Variants in NUP210L observed in about 807,000 individuals in gnomAD.
The protein encoded by NUP210L is nucleoporin 210 like.
Under a neutral mutation model 208.5 loss-of-function variants are expected in NUP210L, and 74 were observed. The ratio of observed to expected loss-of-function variants is 0.35; its 90% CI spans 0.29 to 0.43. The LOEUF (loss-of-function observed/expected upper bound fraction) is 0.43. Among genes scored for constraint, NUP210L ranks in the 20% least tolerant of loss-of-function variants. NUP210L has a pLI of 1.00. For synonymous variants in NUP210L, 780 were observed against 816.9 expected (o/e 0.95, Z 0.77); for missense variants, 1,843 against 2,289.4 (o/e 0.81, Z 3.98).
At chr1:154,121,715 A>G (rs1170223172) in intron 10 of NUP210L, among the ~76,000 whole-genome samples, 1 of 151,972 alleles carries the variant, frequency 6.6e-6, no homozygotes, top group Non-Finnish European at 1.5e-5. Context: ...AAAAATACAA[A>G]AATTAGCTGG....
chr1:154,068,909 G>C (rs1255160632), intron 17 of NUP210L, among the ~76,000 whole-genome samples: 1 of 151,978 alleles, frequency 6.6e-6, no homozygotes, highest in African/African-American at 2.4e-5. Context: ...GCACCAGCAT[G>C]GCACATGTAT....
intron 16 of NUP210L, among the ~76,000 whole-genome samples, chr1:154,082,878 G>A (rs528794030): frequency 3.3e-5 from 5 of 152,056 alleles, no homozygotes; most frequent in Non-Finnish European, 7.4e-5. Context: ...TCATCATCTC[G>A]CTGGCTTCAG....
intron 7 of NUP210L, among the ~76,000 whole-genome samples, chr1:154,134,734 CAAAAAAAAA>C (rs67813355): frequency 1.5e-5 from 1 of 67,314 alleles, no homozygotes; most frequent in African/African-American, 6.4e-5. Flanking sequence ...GACTCCGTCT[CAAAAAAAAA>C]AAAAAAAAAA....
chr1:154,152,624 T>G, intron 2 of NUP210L, 112 bp downstream of exon 2: 1 of 961,800 alleles, frequency 1.0e-6, no homozygotes, highest in Non-Finnish European at 1.6e-6. Context: ...GAATCATTTA[T>G]TCTCCCTTTG....
intron 1 of NUP210L, 26 bp downstream of exon 1, chr1:154,154,816 T>C: frequency 1.9e-6 from 3 of 1,576,540 alleles, no homozygotes; most frequent in South Asian, 1.1e-5. Flanking sequence ...TGAGGGTGCA[T>C]ATCCTTGTCA....
intron 18 of NUP210L, among the ~76,000 whole-genome samples, chr1:154,061,378 A>AAATAATAAT (rs537711266): frequency 2.6e-4 from 39 of 150,140 alleles, no homozygotes; most frequent in African/African-American, 9.3e-4. Context: ...ACTTCATCTC[A>AAATAATAAT]AATAATAATA....
intron 23 of NUP210L, among the ~76,000 whole-genome samples, chr1:154,055,312 G>A (rs959091874): frequency 1.3e-5 from 2 of 151,098 alleles, no homozygotes; most frequent in Non-Finnish European, 2.9e-5. Context: ...GTGCAGTGGC[G>A]AGACCTCAGC....
In NUP210L at chr1:153,996,938, A is replaced by G. The variant is rs138815598; in HGVS notation, c.5387-1758T>C. 9.3e-3 allele frequency among the ~76,000 whole-genome samples: 1,354 copies of G among 145,836 alleles called. 10 individuals are homozygous for G. Among genetic ancestry groups the G allele is most frequent in the Non-Finnish European group, 0.013 (895 of 67,176 alleles). ...TACTGCAGCCTCCTAAGTAACTAGGACTACAGGTGCACACCATCATGTCCG... is the reference window on the plus strand; with the variant it reads ...TACTGCAGCCTCCTAAGTAACTAGGGCTACAGGTGCACACCATCATGTCCG... On this transcript the variant is annotated intron_variant, in intron 37 of 39. Coordinates refer to ENST00000368559, the Ensembl canonical transcript of NUP210L.
intron 35 of NUP210L, among the ~76,000 whole-genome samples, chr1:154,007,160 A>C (rs1346910950): frequency 2.1e-5 from 3 of 143,278 alleles, no homozygotes; most frequent in African/African-American, 7.8e-5. Context: ...ACGGAGTTTC[A>C]CCATGTTAGC....
exon 14 of NUP210L, chr1:154,100,055 A>G: frequency 6.2e-7 from 1 of 1,614,062 alleles, no homozygotes. Context: ...TGTCACATTC[A>G]TTCACACTTA....
At chr1:154,018,830 T>G (rs1651403768) in intron 33 of NUP210L, 103 bp downstream of exon 33, 1 of 1,337,462 alleles carries the variant, frequency 7.5e-7, no homozygotes, top group Non-Finnish European at 1.0e-6. Flanking sequence ...TATATCTGTT[T>G]TATGAGTGTA....
exon 9 of NUP210L, chr1:154,127,391 A>C: frequency 6.2e-7 from 1 of 1,600,426 alleles, no homozygotes; most frequent in Non-Finnish European, 8.6e-7. Flanking sequence ...TCTAGACTCC[A>C]TCGGTTTCCA....
intron 27 of NUP210L, among the ~76,000 whole-genome samples, chr1:154,034,402 T>C (rs1652420087): frequency 1.3e-5 from 2 of 152,170 alleles, no homozygotes; most frequent in African/African-American, 2.4e-5. Flanking sequence ...TGATCTTGGC[T>C]CACTGCAACC....
At position 154,058,228 on chromosome 1, in the gene NUP210L, A is replaced by G. The variant is rs1653972396; in HGVS notation, c.2980-12T>C. 1 of 1,613,068 alleles carries G rather than the reference A, an allele frequency of 6.2e-7. No individual in the cohort carries two copies. Among genetic ancestry groups the G allele is most frequent in the Non-Finnish European group, 8.5e-7 (1 of 1,179,716 alleles). Reference sequence around the variant, plus strand: ...TTGTCTATTTCAACCTAGTAGTTAAAAAGAAAAAGATTTTAGCAAAGGTGT... The same window carrying G: ...TTGTCTATTTCAACCTAGTAGTTAAGAAGAAAAAGATTTTAGCAAAGGTGT... On this transcript the variant is annotated splice_polypyrimidine_tract_variant and intron_variant, in intron 21 of 39. Coordinates refer to ENST00000368559, the Ensembl canonical transcript of NUP210L.
At chr1:154,084,438 C>T (rs1655518924) in intron 16 of NUP210L, among the ~76,000 whole-genome samples, 1 of 151,962 alleles carries the variant, frequency 6.6e-6, no homozygotes, top group Non-Finnish European at 1.5e-5. Flanking sequence ...TCTTGAACTT[C>T]TGACCTCAAG....
rs948026117 is a variant in NUP210L, at chr1:154,000,726, A to G, written c.5386+130T>C. The G allele has an allele frequency of 1.3e-5, 10 of 748,692 alleles. No homozygotes were observed. The Admixed American group carries it at 1.7e-4, about 12-fold the overall frequency. The allele number at this position is 748,692 out of a possible 1,614,324, so 46.4% of individuals were successfully genotyped here. ...AAACTGTTTATTTCAGGAGTTTTTC[A>G]TTTATTTTTGGACCGTGGTTGACAG... is the stretch of plus-strand genomic sequence containing the variant. On this transcript the variant is annotated intron_variant, in intron 37 of 39. Coordinates refer to ENST00000368559, the Ensembl canonical transcript of NUP210L.
At chr1:154,125,156 T>C (rs1009793433) in intron 10 of NUP210L, among the ~76,000 whole-genome samples, 1 of 151,770 alleles carries the variant, frequency 6.6e-6, no homozygotes, top group Non-Finnish European at 1.5e-5. Context: ...AATTTAAAAA[T>C]TAGCCAGGTG....
In NUP210L at chr1:154,011,213, C is replaced by T. The variant is rs199665648; in HGVS notation, c.4780+1031G>A. Among the ~76,000 whole-genome samples the T allele has an allele frequency of 2.8e-4, 42 of 150,562 alleles. No homozygotes were observed. In the East Asian group the frequency reaches 5.1e-3, roughly 18 times the overall value. ...AAAACGTCAGTCTGTTGGCCAGGCA[C>T]GGTGGCTAGATTTTTTTTTTTTTTT... is the stretch of plus-strand genomic sequence containing the variant. On this transcript the variant is annotated intron_variant, in intron 34 of 39. Coordinates refer to ENST00000368559, the Ensembl canonical transcript of NUP210L.
rs556329654 is a variant in NUP210L at position 154,055,671 on chromosome 1, C to T, written c.3241-839G>A. Reference sequence around the variant, plus strand: ...TCAACCTCTCAAAGTGCTGGGATTACAGGCATGAGCCACCAAACCCAGCCC... The same window carrying T: ...TCAACCTCTCAAAGTGCTGGGATTATAGGCATGAGCCACCAAACCCAGCCC... On this transcript the variant is annotated intron_variant, in intron 23 of 39. Transcript: ENST00000368559. Among the ~76,000 whole-genome samples, 12 of 152,278 alleles carry T rather than the reference C, an allele frequency of 7.9e-5. No homozygotes were observed. In the South Asian group the frequency reaches 1.2e-3, roughly 16 times the overall value.
Sources: allele counts gnomAD v4.1 joint callset (sites outside exome capture counted in the v4.1 genomes callset), GRCh38; gene constraint gnomAD v4.1.1; transcripts MANE v1.5; gene names NCBI Gene and HGNC (gene_info 2026-07-23, HGNC 2026-07-21).